The following IRAK1BP1 variants were observed in gnomAD, a reference collection of about 807,000 sequenced individuals.
IRAK1BP1 encodes interleukin-1 receptor-associated kinase 1-binding protein 1.
In IRAK1BP1, 24 loss-of-function variants were observed where a neutral mutation model predicts 28.0. That is an observed-to-expected ratio of 0.86 (90% confidence interval 0.62 to 1.20). The LOEUF is 1.20. Ranked by LOEUF, IRAK1BP1 falls within the 50% of genes most tolerant of loss-of-function variation. IRAK1BP1 has a pLI of 0.00. For synonymous variants in IRAK1BP1, 131 were observed against 116.3 expected (o/e 1.13, Z -0.81); for missense variants, 336 against 316.7 (o/e 1.06, Z -0.46).
chr6:78,920,363 A>T (rs1772690241), intron 4 of IRAK1BP1, among the ~76,000 whole-genome samples: 1 of 152,232 alleles, frequency 6.6e-6, no homozygotes, highest in Non-Finnish European at 1.5e-5. Flanking sequence ...ACCCAAAGGA[A>T]TCACATTACC....
intron 4 of IRAK1BP1, chr6:78,939,328 T>C (rs1179508347): frequency 6.6e-6 from 1 of 151,676 alleles, no homozygotes; most frequent in East Asian, 1.9e-4. Context: ...TTCTTTAGGG[T>C]GTATATTGAC....
rs78294626 is a variant in IRAK1BP1 at position 78,928,695 on chromosome 6, A to G, written c.*68-16713A>G. 1.8e-3 allele frequency among the ~76,000 whole-genome samples: 274 copies of G among 152,194 alleles called. 1 individual carries two copies. The highest frequency in any genetic ancestry group is 6.1e-3 in the African/African-American group (255 of 41,532). ...TATTATGTTGAGATATGTCCCTTCTATGTCCAGTTTCTTGAGCATTTTTAT... is the reference window on the plus strand; with the variant it reads ...TATTATGTTGAGATATGTCCCTTCTGTGTCCAGTTTCTTGAGCATTTTTAT... On this transcript the variant is annotated intron_variant and NMD_transcript_variant, in intron 4 of 4. Coordinates refer to the IRAK1BP1 transcript ENST00000606868.
At chr6:78,927,267 G>A (rs530777961) in intron 4 of IRAK1BP1, among the ~76,000 whole-genome samples, 57 of 152,204 alleles carry the variant, frequency 3.7e-4, no homozygotes, top group Non-Finnish European at 4.6e-4. Flanking sequence ...ATATCCCATC[G>A]TAGTTTTGAT....
chr6:78,887,538 C>T (rs1038845252), intron 2 of IRAK1BP1, among the ~76,000 whole-genome samples: 2 of 151,888 alleles, frequency 1.3e-5, no homozygotes, highest in Admixed American at 6.6e-5. Context: ...TGGTGGCGGG[C>T]GCCTGTAATC....
At chr6:78,891,276 A>G (rs933444769) in intron 2 of IRAK1BP1, among the ~76,000 whole-genome samples, 5 of 152,208 alleles carry the variant, frequency 3.3e-5, no homozygotes, top group Non-Finnish European at 7.3e-5. Context: ...GTAAACAATC[A>G]TAATAGTACA....
chr6:78,958,381 C>A, the IRAK1BP1 span: 11 of 829,830 alleles, frequency 1.3e-5, no homozygotes, highest in Middle Eastern at 3.6e-4. Context: ...TTAAATGTTT[C>A]TTCTTTACAA....
rs549289522 is a variant in IRAK1BP1, at chr6:78,897,093, A to AC, written c.382-736_382-735insC. Among the ~76,000 whole-genome samples the AC allele has an allele frequency of 6.4e-4, 97 of 151,638 alleles. 1 individual carries two copies. The South Asian group carries it at 8.2e-3, about 13-fold the overall frequency. ...AGTGAGACTCCACCTCTACAAAAAAAATTTTTTTAATTAGCTGGGCATGGT... is the reference window on the plus strand; with the variant it reads ...AGTGAGACTCCACCTCTACAAAAAAACATTTTTTTAATTAGCTGGGCATGGT... On this transcript the variant is annotated intron_variant, in intron 2 of 3. Transcript: ENST00000369940.
At chr6:78,933,597 A>G (rs1019315126) in intron 4 of IRAK1BP1, among the ~76,000 whole-genome samples, 2 of 152,136 alleles carry the variant, frequency 1.3e-5, no homozygotes, top group Admixed American at 6.6e-5. Flanking sequence ...CCTGGGCAAC[A>G]AGAGCAAAAC....
At chr6:78,885,248 ACAT>A (rs1344223366) in intron 1 of IRAK1BP1, 127 bp from the exon 2 acceptor site, 5 of 551,916 alleles carry the variant, frequency 9.1e-6, no homozygotes, top group Admixed American at 3.6e-5. Flanking sequence ...AAGTTTTAAA[ACAT>A]CAGGCAAAGT....
chr6:78,966,205 A>T, the IRAK1BP1 span: 74 of 583,306 alleles, frequency 1.3e-4, no homozygotes, highest in Middle Eastern at 1.6e-3. Flanking sequence ...AAGTAAGTAC[A>T]ATCAGCAATA....
At chr6:78,955,183 A>G in the IRAK1BP1 span, 1 of 1,270,606 alleles carries the variant, frequency 7.9e-7, no homozygotes. Context: ...AGCTCTTAAT[A>G]CATTTTAATT....
downstream of IRAK1BP1, among the ~76,000 whole-genome samples, chr6:78,905,605 A>G (rs1409006812): frequency 2.0e-5 from 3 of 152,118 alleles, no homozygotes; most frequent in East Asian, 5.8e-4. Flanking sequence ...GCTACTTGTT[A>G]GAAATGTTTT....
intron 4 of IRAK1BP1, among the ~76,000 whole-genome samples, chr6:78,915,003 A>G (rs1772523477): frequency 6.6e-6 from 1 of 151,964 alleles, no homozygotes. Context: ...TATTTTTAGT[A>G]GAGACAGGGT....
At chr6:78,892,155 CT>C (rs954954467) in intron 2 of IRAK1BP1, among the ~76,000 whole-genome samples, 61 of 151,640 alleles carry the variant, frequency 4.0e-4, no homozygotes, top group African/African-American at 1.4e-3. Flanking sequence ...ATTGATGCTA[CT>C]TTTTTTTTCT....
chr6:78,874,890 A>AATG (rs2127666557), intron 1 of IRAK1BP1, among the ~76,000 whole-genome samples: 1 of 152,360 alleles, frequency 6.6e-6, no homozygotes, highest in Non-Finnish European at 1.5e-5. Context: ...AAAATAGACA[A>AATG]ATGGGACTTA....
At chr6:78,955,184 C>T in the IRAK1BP1 span, 2 of 1,282,786 alleles carry the variant, frequency 1.6e-6, no homozygotes, top group African/African-American at 1.5e-5. Context: ...GCTCTTAATA[C>T]ATTTTAATTC....
intron 4 of IRAK1BP1, among the ~76,000 whole-genome samples, chr6:78,916,155 AG>A (rs1332706763): frequency 6.6e-6 from 1 of 152,198 alleles, no homozygotes; most frequent in African/African-American, 2.4e-5. Context: ...GTAGATGAAG[AG>A]GCTAAAGTGA....
intron 1 of IRAK1BP1, among the ~76,000 whole-genome samples, chr6:78,881,115 G>C (rs916198340): frequency 6.6e-6 from 1 of 152,156 alleles, no homozygotes; most frequent in East Asian, 1.9e-4. Flanking sequence ...ACTGGAAGCA[G>C]CCAAGATGTC....
chr6:78,921,297 G>A (rs1365090548), intron 4 of IRAK1BP1, among the ~76,000 whole-genome samples: 1 of 152,198 alleles, frequency 6.6e-6, no homozygotes, highest in Non-Finnish European at 1.5e-5. Context: ...TGGCTTGGAG[G>A]CTCCAATGCT....
Sources: gnomAD v4.1 joint callset for allele counts (sites outside exome capture counted in the v4.1 genomes callset) on GRCh38, gnomAD v4.1.1 for gene constraint, MANE v1.5 for transcripts, NCBI Gene and HGNC (gene_info 2026-07-23, HGNC 2026-07-21) for gene names.